CATSPERE: variants seen among roughly 807,000 people sequenced by gnomAD.
CATSPERE encodes the protein cation channel sperm-associated auxiliary subunit epsilon.
In CATSPERE, 93 loss-of-function variants were observed where a neutral mutation model predicts 114.1. That is an observed-to-expected ratio of 0.81 (90% CI 0.69 to 0.97). The LOEUF (loss-of-function observed/expected upper bound fraction) is 0.97. Among genes scored for constraint, CATSPERE ranks in the 50% least tolerant of loss-of-function variants. The pLI, the probability that CATSPERE is intolerant of heterozygous loss-of-function variation, is 0.00. For synonymous variants in CATSPERE, 341 were observed against 384.1 expected, an observed-to-expected ratio of 0.89 and a Z score of 1.31; for missense variants, 1,058 against 1,131.6, an observed-to-expected ratio of 0.93 and a Z score of 0.93.
intron 8 of CATSPERE, among the ~76,000 whole-genome samples, chr1:244,529,251 A>G (rs893091471): frequency 6.6e-6 from 1 of 152,200 alleles, no homozygotes; most frequent in African/African-American, 2.4e-5. Flanking sequence ...AGGAACTTCC[A>G]AAATGTTCTC....
At chr1:244,596,992 T>C (rs1572933209) in intron 17 of CATSPERE, among the ~76,000 whole-genome samples, 1 of 152,032 alleles carries the variant, frequency 6.6e-6, no homozygotes, top group Non-Finnish European at 1.5e-5. Flanking sequence ...AGATGAACTG[T>C]CTGTGTATCT....
At chr1:244,466,264 T>TG (rs2148085641) in intron 2 of CATSPERE, among the ~76,000 whole-genome samples, 1 of 152,322 alleles carries the variant, frequency 6.6e-6, no homozygotes, top group Non-Finnish European at 1.5e-5. Flanking sequence ...TATTCATACA[T>TG]GAGTTTGCTC....
rs537502015 is a variant in CATSPERE, at chr1:244,573,228, A to C, written c.1950+456A>C. Among the ~76,000 whole-genome samples the C allele has an allele frequency of 7.9e-5, 12 of 152,010 alleles. No homozygotes were observed. Among genetic ancestry groups the C allele is most frequent in the African/African-American group, 2.9e-4 (12 of 41,474 alleles). ...AGATCGAGACCATCCTGGCTAACAC[A>C]GTGAAACCCCGTCTCTACTAAAAAT... is the stretch of plus-strand genomic sequence containing the variant. On this transcript the variant is annotated intron_variant, in intron 11 of 21. Coordinates refer to ENST00000366534, the MANE Select transcript of CATSPERE (RefSeq NM_001130957.2). This position sits in a 1 kb window ranked among gnomAD's most constrained non-coding sequence, Gnocchi z 4.0.
At chr1:244,600,025 T>C (rs1207434823) in intron 17 of CATSPERE, among the ~76,000 whole-genome samples, 1 of 151,904 alleles carries the variant, frequency 6.6e-6, no homozygotes, top group Non-Finnish European at 1.5e-5. Context: ...TAGAAATGAG[T>C]CATTCTGATT....
chr1:244,476,443 CT>C (rs1191124751), intron 2 of CATSPERE, among the ~76,000 whole-genome samples: 2 of 151,986 alleles, frequency 1.3e-5, no homozygotes, highest in Non-Finnish European at 2.9e-5. Context: ...ATATTTATGG[CT>C]TTTGAAATTT....
chr1:244,612,493 T>A (rs1670870705), intron 19 of CATSPERE, among the ~76,000 whole-genome samples: 1 of 152,162 alleles, frequency 6.6e-6, no homozygotes, highest in Admixed American at 6.5e-5. Context: ...TCACAGGTTC[T>A]CCTGGTAAGG....
In CATSPERE at chr1:244,477,889, A is replaced by T. The variant is rs1669621827; in HGVS notation, c.189-17A>T. ...TATGCACCTATAATTATTCTTTCTC[A>T]TCTTTTTAAACACTAGCTCACCCAC... On this transcript the variant is annotated splice_polypyrimidine_tract_variant and intron_variant, in intron 3 of 21. Transcript: ENST00000366534. 6.3e-7 allele frequency: 1 copy of T among 1,585,366 alleles called. No homozygotes were observed. The highest frequency in any genetic ancestry group is 2.2e-5 in the East Asian group (1 of 44,570).
Position 244,529,110 on chromosome 1 carries a change from G to A in CATSPERE, c.536+10412G>A, listed in dbSNP as rs141205676. Among the ~76,000 whole-genome samples, 896 of 152,178 alleles carry A rather than the reference G, an allele frequency of 5.9e-3. 19 individuals carry two copies. The highest frequency in any genetic ancestry group is 0.042 in the South Asian group (201 of 4,830). On this transcript the variant is annotated intron_variant, in intron 8 of 21. Transcript: ENST00000366534. ...GACACTTAGGTTGTTTCCAAATCTTGACTATTATGAATTATGCTGCAATAA... is the reference window on the plus strand; with the variant it reads ...GACACTTAGGTTGTTTCCAAATCTTAACTATTATGAATTATGCTGCAATAA...
intron 11 of CATSPERE, among the ~76,000 whole-genome samples, chr1:244,578,387 G>A (rs981230213): frequency 4.6e-5 from 7 of 152,050 alleles, no homozygotes; most frequent in East Asian, 3.9e-4. Context: ...TCCTGACCTC[G>A]TGATTCACCT....
At chr1:244,627,229 C>A (rs1020525078) in intron 20 of CATSPERE, among the ~76,000 whole-genome samples, 1 of 152,100 alleles carries the variant, frequency 6.6e-6, no homozygotes, top group African/African-American at 2.4e-5. Flanking sequence ...TATATGGTCG[C>A]AGTTCATGGT....
intron 8 of CATSPERE, among the ~76,000 whole-genome samples, chr1:244,544,182 A>G (rs976490038): frequency 3.9e-5 from 6 of 152,242 alleles, no homozygotes; most frequent in African/African-American, 1.4e-4. Context: ...TTTATACACC[A>G]TAAAAATTTA....
intron 6 of CATSPERE, among the ~76,000 whole-genome samples, chr1:244,497,700 G>A (rs533746286): frequency 3.9e-5 from 6 of 152,292 alleles, no homozygotes; most frequent in Admixed American, 2.6e-4. Flanking sequence ...GGGAAGCTGA[G>A]GCAGGAAAAT....
At chr1:244,603,323 G>T (rs1055832760) in intron 17 of CATSPERE, among the ~76,000 whole-genome samples, 1 of 152,136 alleles carries the variant, frequency 6.6e-6, no homozygotes, top group Non-Finnish European at 1.5e-5. Flanking sequence ...TGTCTAATAG[G>T]TTTGCAGGTG....
chr1:244,540,591 A>G (rs1658511999), intron 8 of CATSPERE, among the ~76,000 whole-genome samples: 1 of 149,564 alleles, frequency 6.7e-6, no homozygotes. Context: ...AAGGTAATTT[A>G]TAGATTCAGG....
chr1:244,562,145 T>G, intron 10 of CATSPERE, among the ~76,000 whole-genome samples: 1 of 87,810 alleles, frequency 1.1e-5, no homozygotes, highest in South Asian at 4.6e-4. Flanking sequence ...CAGAGCGAGA[T>G]CCTGTCTCAA....
intron 2 of CATSPERE, among the ~76,000 whole-genome samples, chr1:244,474,186 CA>C (rs950347885): frequency 1.3e-4 from 20 of 152,044 alleles, no homozygotes; most frequent in African/African-American, 4.8e-4. Flanking sequence ...CGCCCACCAC[CA>C]AGCCTGGCTA....
intron 8 of CATSPERE, among the ~76,000 whole-genome samples, chr1:244,521,806 C>T (rs1341986896): frequency 6.6e-6 from 1 of 152,110 alleles, no homozygotes. Flanking sequence ...TGATGTTCAG[C>T]CTCATTAGTA....
At chr1:244,509,533 T>TTTG (rs747219047) in intron 7 of CATSPERE, among the ~76,000 whole-genome samples, 1 of 152,060 alleles carries the variant, frequency 6.6e-6, no homozygotes, top group African/African-American at 2.4e-5. Context: ...TGGCCTGTAG[T>TTTG]TTGTTGTTGT....
intron 15 of CATSPERE, 130 bp downstream of exon 15, chr1:244,591,861 G>C (rs1020618378): frequency 1.0e-5 from 6 of 581,482 alleles, no homozygotes; most frequent in Non-Finnish European, 6.2e-6. Flanking sequence ...GTCAGTTTTA[G>C]CATTAAGCAA....
Sources: gnomAD v4.1 joint callset for allele counts (sites outside exome capture counted in the v4.1 genomes callset) on GRCh38, gnomAD v4.1.1 for gene constraint, Gnocchi (gnomAD v3.1) non-coding constraint, MANE v1.5 for transcripts, NCBI Gene and HGNC (gene_info 2026-07-23, HGNC 2026-07-21) for gene names.